The following CTNNA2 variants were observed in gnomAD, a reference collection of about 807,000 sequenced individuals.
CTNNA2 encodes catenin alpha-2.
A neutral mutation model predicts 101.0 loss-of-function variants in CTNNA2; 42 were observed. The ratio of observed to expected loss-of-function variants is 0.42; its 90% confidence interval spans 0.32 to 0.54. CTNNA2 has a LOEUF of 0.54. Among genes scored for constraint, CTNNA2 ranks in the 20% least tolerant of loss-of-function variants. The pLI is 0.14. For synonymous variants in CTNNA2, 450 were observed against 456.4 expected, an observed-to-expected ratio of 0.99 and a Z score of 0.18; for missense variants, 871 against 1,223.1, an observed-to-expected ratio of 0.71 and a Z score of 4.29.
chr2:80,018,979 G>C (rs1694357998), intron 7 of CTNNA2, among the ~76,000 whole-genome samples: 1 of 152,010 alleles, frequency 6.6e-6, no homozygotes, highest in Admixed American at 6.6e-5. Flanking sequence ...AATAAGGATG[G>C]TTGTATCTGT....
chr2:80,205,816 G>A (rs1275026181), intron 7 of CTNNA2, among the ~76,000 whole-genome samples: 1 of 152,100 alleles, frequency 6.6e-6, no homozygotes, highest in Non-Finnish European at 1.5e-5. Context: ...CATGTCAGCA[G>A]TATTTTATTT....
chr2:80,565,167 T>C (rs944837538), intron 12 of CTNNA2, among the ~76,000 whole-genome samples: 4 of 152,288 alleles, frequency 2.6e-5, no homozygotes, highest in East Asian at 3.9e-4. Flanking sequence ...TTGAATTGTT[T>C]TGTTTTTATT....
At chr2:79,971,887 G>A (rs1485079250) in intron 7 of CTNNA2, among the ~76,000 whole-genome samples, 2 of 152,166 alleles carry the variant, frequency 1.3e-5, no homozygotes, top group African/African-American at 4.8e-5. Flanking sequence ...CCATCTAAGG[G>A]GGTCTTACAA....
At chr2:80,548,563 T>A (rs1258478187) in intron 11 of CTNNA2, among the ~76,000 whole-genome samples, 1 of 152,252 alleles carries the variant, frequency 6.6e-6, no homozygotes, top group East Asian at 1.9e-4. Flanking sequence ...TTGCTTCTGC[T>A]GATAACACTG....
chr2:79,941,031 C>T (rs573807943), intron 7 of CTNNA2, among the ~76,000 whole-genome samples: 1 of 152,302 alleles, frequency 6.6e-6, no homozygotes, highest in African/African-American at 2.4e-5. Flanking sequence ...CACAAGAAGC[C>T]TACTGAGGGA....
chr2:79,918,153 C>T (rs1686396424), intron 7 of CTNNA2, among the ~76,000 whole-genome samples: 1 of 152,182 alleles, frequency 6.6e-6, no homozygotes, highest in Non-Finnish European at 1.5e-5. Flanking sequence ...TGCCCTCTAA[C>T]CCAACATTTT....
intron 4 of CTNNA2, among the ~76,000 whole-genome samples, chr2:79,442,631 A>G (rs772895233): frequency 6.6e-6 from 1 of 152,212 alleles, no homozygotes; most frequent in Non-Finnish European, 1.5e-5. Flanking sequence ...TATTTATTAG[A>G]TGCAATAGGC....
intron 6 of CTNNA2, among the ~76,000 whole-genome samples, chr2:79,891,110 C>T (rs1275548869): frequency 6.6e-6 from 1 of 151,644 alleles, no homozygotes; most frequent in Non-Finnish European, 1.5e-5. Context: ...AAATAAAAAG[C>T]GCAGATCTTT....
chr2:79,569,684 C>T (rs1192492808), intron 1 of CTNNA2, among the ~76,000 whole-genome samples: 6 of 152,180 alleles, frequency 3.9e-5, no homozygotes, highest in African/African-American at 1.2e-4. Context: ...GCACTGGAAA[C>T]TCTATTTCCC....
intron 7 of CTNNA2, among the ~76,000 whole-genome samples, chr2:80,080,488 G>C (rs982486677): frequency 2.8e-4 from 42 of 152,194 alleles, no homozygotes; most frequent in African/African-American, 9.4e-4. Flanking sequence ...GTAGAGCTAA[G>C]TGTAACAGCC....
chr2:80,112,092 G>A (rs7588854), intron 7 of CTNNA2, among the ~76,000 whole-genome samples: 33,974 of 152,002 alleles, frequency 0.22, 4,451 homozygotes, highest in East Asian at 0.51. Flanking sequence ...AGAAATAAAT[G>A]TACAATATAG....
intron 7 of CTNNA2, among the ~76,000 whole-genome samples, chr2:80,314,088 A>G (rs1677867148): frequency 6.6e-6 from 1 of 152,212 alleles, no homozygotes; most frequent in Non-Finnish European, 1.5e-5. Flanking sequence ...CTGCACATAT[A>G]GATCAGGGAG....
intron 2 of CTNNA2, among the ~76,000 whole-genome samples, chr2:79,239,376 A>G (rs1282571321): frequency 2.0e-5 from 3 of 152,184 alleles, no homozygotes; most frequent in Admixed American, 6.5e-5. Context: ...AAGATTTCGT[A>G]TTTAATAAAT....
chr2:80,545,243 T>G (rs910978548), intron 10 of CTNNA2, among the ~76,000 whole-genome samples, 169 bp downstream of exon 10: 1 of 152,176 alleles, frequency 6.6e-6, no homozygotes. Context: ...TACCAGTCTC[T>G]TCAGAATTAC....
chr2:79,434,218 A>C (rs900964270), intron 4 of CTNNA2, among the ~76,000 whole-genome samples: 7 of 150,656 alleles, frequency 4.6e-5, no homozygotes, highest in Non-Finnish European at 1.0e-4. Flanking sequence ...GGATCACCTG[A>C]GCCTAGTAAG....
chr2:80,286,555 G>A (rs1175116962), intron 7 of CTNNA2, among the ~76,000 whole-genome samples: 2 of 152,158 alleles, frequency 1.3e-5, no homozygotes, highest in Admixed American at 6.5e-5. Flanking sequence ...TTGCTGGTGC[G>A]CTTAGCCAGT....
intron 1 of CTNNA2, among the ~76,000 whole-genome samples, chr2:79,597,166 C>T (rs1020396313): frequency 5.9e-5 from 9 of 152,126 alleles, no homozygotes; most frequent in East Asian, 1.9e-4. Flanking sequence ...TGTTTGTTTT[C>T]GCCTTAGAAA....
chr2:79,875,240 C>A (rs1682923338), intron 6 of CTNNA2, among the ~76,000 whole-genome samples: 1 of 152,134 alleles, frequency 6.6e-6, no homozygotes, highest in Non-Finnish European at 1.5e-5. Flanking sequence ...GTCATCAGCA[C>A]CCCGGGATGA....
At chr2:79,461,782 T>A (rs573891121) in intron 4 of CTNNA2, among the ~76,000 whole-genome samples, 1 of 151,664 alleles carries the variant, frequency 6.6e-6, no homozygotes, top group Non-Finnish European at 1.5e-5. Context: ...GAAAAGAACA[T>A]AAAGTCAAAT....
Sources: gnomAD v4.1 joint callset for allele counts (sites outside exome capture counted in the v4.1 genomes callset) on GRCh38, gnomAD v4.1.1 for gene constraint, MANE v1.5 for transcripts, NCBI Gene and HGNC (gene_info 2026-07-23, HGNC 2026-07-21) for gene names.